Variants in TRIM71 observed in about 807,000 individuals in gnomAD.
TRIM71 encodes E3 ubiquitin-protein ligase TRIM71.
TRIM71 carries 9 observed loss-of-function variants against 61.2 expected under a neutral mutation model. The ratio of observed to expected loss-of-function variants is 0.15; its 90% CI spans 0.09 to 0.26. The LOEUF (loss-of-function observed/expected upper bound fraction) is 0.26, where lower values mean the gene tolerates loss of function less well. TRIM71 is among the 10% of genes least tolerant of loss of function. The pLI, the probability that TRIM71 is intolerant of heterozygous loss-of-function variation, is 1.00. For missense variants in TRIM71, 998 were observed against 1,238.7 expected, an observed-to-expected ratio of 0.81 and a Z score of 2.92; for synonymous variants, 645 against 553.2, an observed-to-expected ratio of 1.17 and a Z score of -2.33.
chr3:32,835,069 T>G (rs1210139514), intron 1 of TRIM71, among the ~76,000 whole-genome samples: 1 of 152,128 alleles, frequency 6.6e-6, no homozygotes, highest in Non-Finnish European at 1.5e-5. Context: ...AAACATCAAA[T>G]GGAATAAAAT....
At chr3:32,889,862 A>AT (rs1357984890) in intron 3 of TRIM71, among the ~76,000 whole-genome samples, 1 of 151,914 alleles carries the variant, frequency 6.6e-6, no homozygotes, top group Non-Finnish European at 1.5e-5. Flanking sequence ...AAGTGCTGGG[A>AT]TTAGAGGCAT....
At chr3:32,871,734 T>C (rs1696797157) in intron 1 of TRIM71, among the ~76,000 whole-genome samples, 1 of 152,206 alleles carries the variant, frequency 6.6e-6, no homozygotes, top group African/African-American at 2.4e-5. Context: ...AAGCAACTGA[T>C]TTAAAGGAGG....
intron 1 of TRIM71, among the ~76,000 whole-genome samples, chr3:32,872,301 G>A (rs1696805098): frequency 6.6e-6 from 1 of 152,118 alleles, no homozygotes; most frequent in Non-Finnish European, 1.5e-5. Flanking sequence ...ACCCATCCTA[G>A]ATTACACACT....
intron 3 of TRIM71, 47 bp downstream of exon 3, chr3:32,886,115 A>C: frequency 6.3e-7 from 1 of 1,584,406 alleles, no homozygotes; most frequent in Non-Finnish European, 8.6e-7. Context: ...CTCGGCTTCC[A>C]TGAACCTCAG....
At chr3:32,861,947 G>C (rs1163271987) in intron 1 of TRIM71, among the ~76,000 whole-genome samples, 1 of 152,198 alleles carries the variant, frequency 6.6e-6, no homozygotes, top group Non-Finnish European at 1.5e-5. Flanking sequence ...ATTCACAGAG[G>C]CCACGTGTGT....
chr3:32,853,145 C>G (rs538722391), intron 1 of TRIM71, among the ~76,000 whole-genome samples: 2 of 141,040 alleles, frequency 1.4e-5, no homozygotes, highest in South Asian at 4.4e-4. Flanking sequence ...TTGAGACAGT[C>G]TCACTCTGTC....
intron 1 of TRIM71, among the ~76,000 whole-genome samples, chr3:32,862,597 TA>T (rs1291519424): frequency 1.3e-5 from 2 of 152,248 alleles, no homozygotes; most frequent in Non-Finnish European, 2.9e-5. Context: ...CACAACAGAT[TA>T]AAACCTTGCC....
intron 1 of TRIM71, among the ~76,000 whole-genome samples, chr3:32,869,561 G>A (rs535795585): frequency 2.6e-5 from 4 of 152,348 alleles, no homozygotes; most frequent in East Asian, 1.9e-4. Flanking sequence ...GTGCACACAT[G>A]CGTGCACACA....
chr3:32,829,626 T>TTGTGTGTGTG (rs10524029), intron 1 of TRIM71, among the ~76,000 whole-genome samples: 3,014 of 148,724 alleles, frequency 0.02, 26 homozygotes, highest in African/African-American at 0.025. Context: ...TGTCATGGTA[T>TTGTGTGTGTG]TGTGTGTGTG....
intron 1 of TRIM71, among the ~76,000 whole-genome samples, chr3:32,865,551 A>G (rs974795435): frequency 6.6e-6 from 1 of 152,102 alleles, no homozygotes; most frequent in Non-Finnish European, 1.5e-5. Context: ...TGCCCAGGGC[A>G]TTGTTCTTAT....
chr3:32,839,665 G>A (rs1318551820), intron 1 of TRIM71, among the ~76,000 whole-genome samples: 1 of 137,676 alleles, frequency 7.3e-6, no homozygotes, highest in Non-Finnish European at 1.6e-5. Flanking sequence ...TTTTTTTGGG[G>A]GGGGGGTGGG....
At chr3:32,835,988 T>G (rs1696330098) in intron 1 of TRIM71, among the ~76,000 whole-genome samples, 1 of 152,126 alleles carries the variant, frequency 6.6e-6, no homozygotes, top group Non-Finnish European at 1.5e-5. Flanking sequence ...AACTTGGCCT[T>G]TATGGTGTGA....
chr3:32,827,181 A>G (rs772389597), intron 1 of TRIM71, among the ~76,000 whole-genome samples: 10 of 152,136 alleles, frequency 6.6e-5, no homozygotes, highest in Non-Finnish European at 1.0e-4. Flanking sequence ...TAGCAATAAA[A>G]ATACTGTTTT....
rs1394064219 is a variant in TRIM71 at position 32,831,236 on chromosome 3, A to G, written c.852+12304A>G. 2.6e-5 allele frequency among the ~76,000 whole-genome samples: 4 copies of G among 152,174 alleles called. No homozygotes were observed. The East Asian group carries it at 7.7e-4, about 29-fold the overall frequency. On this transcript the variant is annotated intron_variant, in intron 1 of 3. Transcript: ENST00000383763. ...CTTGGTATAGGTAAGACCATGAGCTACAGAGTAACAACTGGATTTAAGTCC... is the reference window on the plus strand; with the variant it reads ...CTTGGTATAGGTAAGACCATGAGCTGCAGAGTAACAACTGGATTTAAGTCC...
intron 1 of TRIM71, among the ~76,000 whole-genome samples, chr3:32,854,670 A>G (rs758150284): frequency 1.1e-4 from 17 of 152,202 alleles, no homozygotes; most frequent in Non-Finnish European, 2.1e-4. Flanking sequence ...AAGTTGTTTT[A>G]TGTTCTTTAA....
chr3:32,867,633 T>C (rs113242299), intron 1 of TRIM71, among the ~76,000 whole-genome samples: 9 of 152,200 alleles, frequency 5.9e-5, no homozygotes. Flanking sequence ...CTTACATATT[T>C]ATTGTGTACA....
In TRIM71 at chr3:32,873,063, TCCTCCCTCCCTC is replaced by T. The variant is rs1300698001; in HGVS notation, c.853-732_853-721del. Among the ~76,000 whole-genome samples the T allele has an allele frequency of 6.1e-3, 514 of 83,628 alleles. 8 individuals carry two copies. Among genetic ancestry groups the T allele is most frequent in the African/African-American group, 0.019 (402 of 21,646 alleles). 54.9% of individuals were successfully genotyped at this position (83,628 alleles called of 152,430 possible). ...AGGTTGTGCCAGCCCTTCTCTCTCT[TCCTCCCTCCCTC>T]CCTCCCTCCCTCCCTCCCTCCCAGC... On this transcript the variant is annotated intron_variant, in intron 1 of 3. Coordinates refer to ENST00000383763, the MANE Select transcript of TRIM71 (RefSeq NM_001039111.3).
chr3:32,839,945 A>G (rs1401887307), intron 1 of TRIM71, among the ~76,000 whole-genome samples: 3 of 152,198 alleles, frequency 2.0e-5, no homozygotes, highest in Non-Finnish European at 4.4e-5. Context: ...ACTGGCGATT[A>G]GAACTGTATC....
At chr3:32,868,686 G>GTT (rs374629897) in intron 1 of TRIM71, among the ~76,000 whole-genome samples, 323 of 140,114 alleles carry the variant, frequency 2.3e-3, no homozygotes, top group East Asian at 0.014. Flanking sequence ...AGACATTAGG[G>GTT]TTTTTTTTTT....
Sources: gnomAD v4.1 joint callset for allele counts (sites outside exome capture counted in the v4.1 genomes callset) on GRCh38, gnomAD v4.1.1 for gene constraint, MANE v1.5 for transcripts, NCBI Gene and HGNC (gene_info 2026-07-23, HGNC 2026-07-21) for gene names.